The following STK32B variants were observed in gnomAD, a reference collection of about 807,000 sequenced individuals.
STK32B encodes the protein serine/threonine-protein kinase 32B.
In STK32B, 43 loss-of-function variants were observed where a neutral mutation model predicts 52.6. The observed-to-expected ratio is 0.82, with a 90% CI of 0.64 to 1.05. The LOEUF is 1.05. STK32B is among the 50% of genes least tolerant of loss of function. The pLI is 0.00. For synonymous variants in STK32B, 238 were observed against 204.3 expected (o/e 1.17, Z -1.41); for missense variants, 621 against 534.6 (o/e 1.16, Z -1.59).
intron 4 of STK32B, among the ~76,000 whole-genome samples, chr4:5,336,502 T>A (rs182730610): frequency 3.6e-4 from 55 of 152,160 alleles, no homozygotes; most frequent in African/African-American, 1.2e-3. Context: ...ATAACTATGA[T>A]CAGTATGTTC....
At position 5,489,644 on chromosome 4, in the gene STK32B, T is replaced by C. The variant is rs76786499; in HGVS notation, c.1107-9301T>C. On this transcript the variant is annotated intron_variant, in intron 11 of 11. Coordinates refer to ENST00000282908, the MANE Select transcript of STK32B (RefSeq NM_018401.3). ...TTATTTTTTATTATTTTTTTTGAGA[T>C]GGAGTCTTGCTTTCTCACCAGGCTG... Among the ~76,000 whole-genome samples, 427 of 151,626 alleles carry C rather than the reference T, an allele frequency of 2.8e-3. 9 individuals are homozygous for C. The East Asian group carries it at 0.033, about 12-fold the overall frequency.
At chr4:5,246,643 G>C (rs1435093987) in intron 3 of STK32B, among the ~76,000 whole-genome samples, 9 of 152,142 alleles carry the variant, frequency 5.9e-5, no homozygotes, top group Admixed American at 5.9e-4. Context: ...GAGGAGGAGA[G>C]GTGCTCTGAT....
intron 5 of STK32B, among the ~76,000 whole-genome samples, chr4:5,401,559 T>C (rs993363416): frequency 6.6e-6 from 1 of 152,212 alleles, no homozygotes; most frequent in Non-Finnish European, 1.5e-5. Context: ...ATGGACACTT[T>C]CATTCTGCTC....
At chr4:5,166,653 G>A (rs1718890367) in intron 2 of STK32B, among the ~76,000 whole-genome samples, 1 of 151,704 alleles carries the variant, frequency 6.6e-6, no homozygotes, top group South Asian at 2.1e-4. Flanking sequence ...AAGAGGCAGA[G>A]GAGGATCCCC....
intron 7 of STK32B, among the ~76,000 whole-genome samples, chr4:5,454,520 G>A (rs1349253889): frequency 1.3e-5 from 2 of 152,040 alleles, no homozygotes; most frequent in African/African-American, 4.8e-5. Flanking sequence ...TGACTCGATT[G>A]GATTACTTCT....
At chr4:5,028,321 C>T in the STK32B span, among the ~76,000 whole-genome samples, 1 of 152,106 alleles carries the variant, frequency 6.6e-6, no homozygotes, top group Non-Finnish European at 1.5e-5. Flanking sequence ...AACTTAGTTA[C>T]TTTTCTTGGA....
intron 4 of STK32B, among the ~76,000 whole-genome samples, chr4:5,369,582 G>A (rs1039802342): frequency 2.0e-5 from 3 of 152,186 alleles, no homozygotes; most frequent in Admixed American, 6.5e-5. Context: ...GAAGGTGGGC[G>A]TCCTCATGGG....
chr4:5,478,466 T>C (rs534149990), intron 11 of STK32B, among the ~76,000 whole-genome samples: 6 of 152,338 alleles, frequency 3.9e-5, no homozygotes, highest in Admixed American at 3.9e-4. Context: ...GGCAGAACTT[T>C]AATGCTTCTG....
chr4:5,088,564 G>A lies in STK32B; in HGVS notation c.52+36649G>A, dbSNP rs376381365. On this transcript the variant is annotated intron_variant, in intron 1 of 11. Transcript: ENST00000282908. ...TATTTGATCGTACAATAGGATGAGT[G>A]CAGTCAAAATAATTTAACCATACAT... is the stretch of plus-strand genomic sequence containing the variant. Among the ~76,000 whole-genome samples the A allele has an allele frequency of 2.9e-4, 44 of 152,072 alleles. 1 individual carries two copies. The East Asian group carries it at 8.1e-3, about 28-fold the overall frequency.
At chr4:5,265,658 A>T (rs1241684752) in intron 3 of STK32B, among the ~76,000 whole-genome samples, 1 of 152,210 alleles carries the variant, frequency 6.6e-6, no homozygotes, top group African/African-American at 2.4e-5. Context: ...TTGCATATTT[A>T]TTAACTTAAA....
chr4:5,233,926 G>A (rs974102711), intron 3 of STK32B, among the ~76,000 whole-genome samples: 8 of 151,984 alleles, frequency 5.3e-5, no homozygotes, highest in African/African-American at 1.9e-4. Context: ...TGAGATGGCC[G>A]GAGTGTGCAC....
chr4:5,423,311 T>C (rs16837191), intron 6 of STK32B, among the ~76,000 whole-genome samples: 14,689 of 152,054 alleles, frequency 0.097, 2,252 homozygotes, highest in African/African-American at 0.32. Flanking sequence ...TTACCAGACA[T>C]GGTGCACATA....
At chr4:5,069,690 T>TAC (rs1711636184) in intron 1 of STK32B, among the ~76,000 whole-genome samples, 18 of 152,236 alleles carry the variant, frequency 1.2e-4, no homozygotes, top group Admixed American at 1.2e-3. Context: ...ACTAAATGAG[T>TAC]TAATGTACGT....
intron 11 of STK32B, among the ~76,000 whole-genome samples, chr4:5,492,019 T>C (rs1195209655): frequency 6.6e-6 from 1 of 152,098 alleles, no homozygotes; most frequent in Non-Finnish European, 1.5e-5. Context: ...GCGTGATGCC[T>C]CCAGCTTTGT....
At chr4:5,480,645 A>G (rs1213666263) in intron 11 of STK32B, among the ~76,000 whole-genome samples, 2 of 151,670 alleles carry the variant, frequency 1.3e-5, no homozygotes, top group Non-Finnish European at 2.9e-5. Context: ...GGTTAGTTAC[A>G]TTTGTGTACA....
At chr4:5,050,747 C>A (rs892304568), upstream of STK32B, among the ~76,000 whole-genome samples, 1 of 152,132 alleles carries the variant, frequency 6.6e-6, no homozygotes, top group Admixed American at 6.5e-5. Flanking sequence ...CGTCTTGGGG[C>A]GCATCTGCCG....
intron 2 of STK32B, among the ~76,000 whole-genome samples, chr4:5,165,618 T>G (rs754205035): frequency 5.3e-5 from 8 of 152,118 alleles, no homozygotes; most frequent in Non-Finnish European, 8.8e-5. Flanking sequence ...AAATTCTAAT[T>G]AGTGGGATTA....
intron 4 of STK32B, among the ~76,000 whole-genome samples, chr4:5,390,672 C>T (rs1258785644): frequency 6.6e-6 from 1 of 152,004 alleles, no homozygotes; most frequent in East Asian, 1.9e-4. Context: ...CATAGGAAAG[C>T]AGGGAGGTGC....
rs900715419 is a variant in STK32B at position 5,438,088 on chromosome 4, G to A, written c.563-8585G>A. 39 of 985,396 alleles carry A rather than the reference G, an allele frequency of 4.0e-5. No homozygotes were observed. The African/African-American group carries it at 5.9e-4, about 15-fold the overall frequency. 61.0% of individuals were successfully genotyped at this position (985,396 alleles called of 1,614,324 possible). A position where few individuals can be genotyped will look rare whatever the true frequency, so the allele number is the denominator to read the frequency against. ...CTGCCAGGCATGACAAGGTTTGATG[G>A]GGAACACCTCGGCACACACAGCCAT... On this transcript the variant is annotated intron_variant, in intron 6 of 11. Transcript: ENST00000282908.
Sources: allele counts gnomAD v4.1 joint callset (sites outside exome capture counted in the v4.1 genomes callset), GRCh38; gene constraint gnomAD v4.1.1; transcripts MANE v1.5; gene names NCBI Gene and HGNC (gene_info 2026-07-23, HGNC 2026-07-21).